The following MTUS2 variants were observed in gnomAD, a reference collection of about 807,000 sequenced individuals.
MTUS2 encodes the protein microtubule associated scaffold protein 2.
In MTUS2, 40 loss-of-function variants were observed where a neutral mutation model predicts 114.1. The ratio of observed to expected loss-of-function variants is 0.35; its 90% CI spans 0.27 to 0.46. The LOEUF (loss-of-function observed/expected upper bound fraction) is 0.46. Ranked by LOEUF, MTUS2 falls within the 20% of genes least tolerant of loss-of-function variation. The pLI is 1.00. For missense variants in MTUS2, 1,679 were observed against 1,705.4 expected, an observed-to-expected ratio of 0.98 and a Z score of 0.27; for synonymous variants, 688 against 672.0, an observed-to-expected ratio of 1.02 and a Z score of -0.37.
chr13:29,298,549 C>T (rs1469188592), intron 6 of MTUS2, among the ~76,000 whole-genome samples: 1 of 152,116 alleles, frequency 6.6e-6, no homozygotes, highest in Admixed American at 6.5e-5. Flanking sequence ...CCATGTTCTC[C>T]CTGCCTTCGT....
chr13:29,415,192 T>C (rs2138567742), intron 8 of MTUS2, among the ~76,000 whole-genome samples: 1 of 152,270 alleles, frequency 6.6e-6, no homozygotes, highest in South Asian at 2.1e-4. Context: ...AACTTACTAG[T>C]ATTTTCTTTG....
intron 5 of MTUS2, among the ~76,000 whole-genome samples, chr13:29,118,224 A>G (rs1891169080): frequency 6.6e-6 from 1 of 151,818 alleles, no homozygotes; most frequent in Non-Finnish European, 1.5e-5. Context: ...CCATCACGGA[A>G]GCCTAGAATA....
intron 5 of MTUS2, among the ~76,000 whole-genome samples, chr13:29,113,952 G>A (rs964570321): frequency 2.6e-5 from 4 of 152,120 alleles, no homozygotes; most frequent in Non-Finnish European, 5.9e-5. Flanking sequence ...ATGTCCTTGT[G>A]ATAGCAAGTG....
intron 5 of MTUS2, among the ~76,000 whole-genome samples, chr13:29,247,971 T>C (rs901428032): frequency 2.0e-5 from 3 of 152,218 alleles, no homozygotes; most frequent in Admixed American, 6.5e-5. Flanking sequence ...GCAGTGCAAT[T>C]CACAATTCCA....
At chr13:29,055,210 A>T (rs1464741096) in intron 4 of MTUS2, among the ~76,000 whole-genome samples, 1 of 152,232 alleles carries the variant, frequency 6.6e-6, no homozygotes, top group East Asian at 1.9e-4. Flanking sequence ...TTAAAGCTCT[A>T]TTATTAGGTG....
intron 5 of MTUS2, among the ~76,000 whole-genome samples, chr13:29,203,016 C>T (rs1832095217): frequency 6.6e-6 from 1 of 152,250 alleles, no homozygotes; most frequent in Non-Finnish European, 1.5e-5. Flanking sequence ...CAGTCTGTCC[C>T]TTAGCAGAGC....
At chr13:29,365,009 G>A (rs1350131603) in intron 8 of MTUS2, among the ~76,000 whole-genome samples, 1 of 152,210 alleles carries the variant, frequency 6.6e-6, no homozygotes, top group Non-Finnish European at 1.5e-5. Context: ...GAGTGCTAGT[G>A]AAGTGGTAAA....
chr13:29,389,993 GTATGTATGTGTATATATACACATA>G (rs1873263318), intron 8 of MTUS2, among the ~76,000 whole-genome samples: 1 of 97,078 alleles, frequency 1.0e-5, no homozygotes, highest in South Asian at 3.5e-4. Flanking sequence ...GTATGTGTAT[GTATGTATGTGTATATATACACATA>G]CATGTATGTG....
chr13:29,025,813 G>A lies in MTUS2; in HGVS notation c.1115G>A (p.Gly372Glu), dbSNP rs751641029. 63 of 1,613,832 alleles carry A rather than the reference G, an allele frequency of 3.9e-5. No individual in the cohort carries two copies. Among genetic ancestry groups the A allele is most frequent in the Non-Finnish European group, 5.2e-5 (61 of 1,179,878 alleles). Reference protein sequence around the residue: ...HLLNSDLHHLGVGRGNCEEKR... With the variant: ...HLLNSDLHHLEVGRGNCEEKR... ...CTGAACAGTGACCTCCACCACCTTG[G>A]GGTGGGAAGAGGCAACTGTGAAGAG... Residue 372 changes from glycine (G) to glutamate (E), a missense_variant, in exon 3 of 16, where the codon GGG becomes GAG. Coordinates refer to ENST00000612955, the MANE Select transcript of MTUS2 (RefSeq NM_001033602.4).
At chr13:29,060,372 AG>A (rs1888354801) in intron 4 of MTUS2, among the ~76,000 whole-genome samples, 1 of 151,896 alleles carries the variant, frequency 6.6e-6, no homozygotes, top group Admixed American at 6.6e-5. Flanking sequence ...GTGAATCCCC[AG>A]GGGCTCTCAC....
intron 4 of MTUS2, among the ~76,000 whole-genome samples, chr13:29,049,024 A>T (rs181839288): frequency 6.6e-6 from 1 of 152,152 alleles, no homozygotes; most frequent in Non-Finnish European, 1.5e-5. Context: ...CTGATCAGCA[A>T]TTCTTTCAAA....
At chr13:29,087,336 T>G (rs972845228) in intron 4 of MTUS2, among the ~76,000 whole-genome samples, 1 of 152,212 alleles carries the variant, frequency 6.6e-6, no homozygotes, top group Non-Finnish European at 1.5e-5. Flanking sequence ...TATTGAAAGC[T>G]TTTGCTGTGT....
At chr13:29,190,777 T>C (rs1224647956) in intron 5 of MTUS2, among the ~76,000 whole-genome samples, 2 of 152,188 alleles carry the variant, frequency 1.3e-5, no homozygotes. Context: ...ATGATGGTAT[T>C]ATGGTCCTCT....
At chr13:29,136,417 TTAGA>T (rs1283410991) in intron 5 of MTUS2, among the ~76,000 whole-genome samples, 3 of 152,176 alleles carry the variant, frequency 2.0e-5, no homozygotes, top group Non-Finnish European at 4.4e-5. Flanking sequence ...TGGTGGCCCC[TTAGA>T]TAGCTTCAGG....
chr13:29,243,373 G>T (rs1442883963), intron 5 of MTUS2, among the ~76,000 whole-genome samples: 4 of 152,160 alleles, frequency 2.6e-5, no homozygotes, highest in Non-Finnish European at 2.9e-5. Flanking sequence ...GACAGATGAG[G>T]CAAGGAAAGC....
At chr13:29,499,795 T>G (rs1206858484) in intron 14 of MTUS2, among the ~76,000 whole-genome samples, 1 of 152,246 alleles carries the variant, frequency 6.6e-6, no homozygotes, top group African/African-American at 2.4e-5. Flanking sequence ...GGTGGCCATG[T>G]CACCTCTCTC....
intron 2 of MTUS2, among the ~76,000 whole-genome samples, chr13:28,945,681 T>TTTG (rs779192741): frequency 2.0e-5 from 3 of 152,294 alleles, no homozygotes; most frequent in East Asian, 1.9e-4. Context: ...TTATTTGTGT[T>TTTG]TTGTTGTTGT....
chr13:29,025,398 A>G lies in MTUS2; in HGVS notation c.700A>G (p.Ser234Gly), dbSNP rs1886478631. Residue 234 changes from serine to glycine, a missense_variant, in exon 3 of 16, where the codon AGT becomes GGT. Coordinates refer to ENST00000612955, the MANE Select transcript of MTUS2 (RefSeq NM_001033602.4). Reference sequence around the variant, plus strand: ...CCCGGCAGCTTTCCCTGCAACTGACAGTACCTCAGAGGGAAAGAGTGTGCG... The same window carrying G: ...CCCGGCAGCTTTCCCTGCAACTGACGGTACCTCAGAGGGAAAGAGTGTGCG... Reference protein sequence around the residue: ...AVPAAFPATDSTSEGKSVRHP... With the variant: ...AVPAAFPATDGTSEGKSVRHP... 1.9e-6 allele frequency: 3 copies of G among 1,613,902 alleles called. No individual in the cohort carries two copies. The highest frequency in any genetic ancestry group is 1.1e-5 in the South Asian group (1 of 91,054).
Position 29,435,428 on chromosome 13 carries a change from T to G in MTUS2, c.3118-4555T>G, listed in dbSNP as rs139622393. Among the ~76,000 whole-genome samples, 897 of 152,262 alleles carry G rather than the reference T, an allele frequency of 5.9e-3. 7 individuals are homozygous for G. The highest frequency in any genetic ancestry group is 6.7e-3 in the Non-Finnish European group (454 of 68,008). On this transcript the variant is annotated intron_variant, in intron 8 of 15. Transcript: ENST00000612955. Reference sequence around the variant, plus strand: ...CCTTAGAGGAGGCCTTGATCATATTTCAGTCAACCCACAGTGTCATCACCC... The same window carrying G: ...CCTTAGAGGAGGCCTTGATCATATTGCAGTCAACCCACAGTGTCATCACCC...
Sources: gnomAD v4.1 joint callset for allele counts (sites outside exome capture counted in the v4.1 genomes callset) on GRCh38, gnomAD v4.1.1 for gene constraint, MANE v1.5 for transcripts, NCBI Gene and HGNC (gene_info 2026-07-23, HGNC 2026-07-21) for gene names.